The following TRIM16 variants were observed in gnomAD, a reference collection of about 807,000 sequenced individuals.
TRIM16 encodes the protein tripartite motif containing 16, also known as tripartite motif-containing protein 16.
In TRIM16, 33 loss-of-function variants were observed where a neutral mutation model predicts 50.4. The ratio of observed to expected loss-of-function variants is 0.65; its 90% CI spans 0.50 to 0.88. The LOEUF (loss-of-function observed/expected upper bound fraction) is 0.88. Among genes scored for constraint, TRIM16 ranks in the 40% least tolerant of loss-of-function variants. TRIM16 has a pLI of 0.00. For missense variants in TRIM16, 581 were observed against 686.8 expected (o/e 0.85, Z 1.72); for synonymous variants, 229 against 270.7 (o/e 0.85, Z 1.51).
At chr17:15,682,724 A>T in intron 3 of TRIM16, 130 bp downstream of exon 3, 1 of 880,824 alleles carries the variant, frequency 1.1e-6, no homozygotes, top group Non-Finnish European at 1.5e-6. Flanking sequence ...AGTCCGACTT[A>T]TCCCCCCTTA....
chr17:15,632,365 A>G (rs1225806343), intron 10 of TRIM16, 144 bp downstream of exon 10: 1 of 1,282,266 alleles, frequency 7.8e-7, no homozygotes, highest in African/African-American at 1.5e-5. Context: ...TGACAGAGCA[A>G]GACTGTCTCA....
intron 3 of TRIM16, among the ~76,000 whole-genome samples, chr17:15,682,506 C>T (rs555547386): frequency 3.3e-5 from 5 of 152,342 alleles, no homozygotes; most frequent in South Asian, 4.1e-4. Flanking sequence ...TAAGACAAAG[C>T]GCTTTTTAAG....
intron 11 of TRIM16, among the ~76,000 whole-genome samples, chr17:15,629,481 G>GCATT (rs1388262612): frequency 2.6e-5 from 4 of 152,216 alleles, no homozygotes; most frequent in Non-Finnish European, 5.9e-5. Flanking sequence ...ACTCATTCAT[G>GCATT]CATTCATTCA....
chr17:15,642,075 C>A lies in TRIM16; in HGVS notation c.615+646G>T, dbSNP rs1339807218. Among the ~76,000 whole-genome samples the A allele has an allele frequency of 4.0e-5, 6 of 148,788 alleles. No homozygotes were observed. In the East Asian group the frequency reaches 1.2e-3, roughly 30 times the overall value. On this transcript the variant is annotated intron_variant, in intron 8 of 11. Transcript: ENST00000649191. ...GCCAGACTGGTCTCGAACTCCTGAC[C>A]TCAAGTGATCCACCCACTTCAGCCT...
chr17:15,661,202 A>T (rs748720272), intron 6 of TRIM16, among the ~76,000 whole-genome samples: 1 of 152,208 alleles, frequency 6.6e-6, no homozygotes, highest in Non-Finnish European at 1.5e-5. Context: ...CTGCTCCAAT[A>T]AACTTACAAC....
chr17:15,633,254 G>C (rs1986523210), intron 9 of TRIM16, among the ~76,000 whole-genome samples: 1 of 151,358 alleles, frequency 6.6e-6, no homozygotes, highest in Admixed American at 6.6e-5. Flanking sequence ...AACTTCAGCT[G>C]CAACTGAAGC....
chr17:15,658,519 TAAA>T (rs1333111604), intron 6 of TRIM16, among the ~76,000 whole-genome samples: 2 of 151,992 alleles, frequency 1.3e-5, no homozygotes, highest in Non-Finnish European at 2.9e-5. Flanking sequence ...CTGAGAAAAA[TAAA>T]AATAATATCA....
intron 7 of TRIM16, among the ~76,000 whole-genome samples, chr17:15,645,484 G>A (rs1174655754): frequency 1.3e-5 from 2 of 151,958 alleles, no homozygotes; most frequent in Non-Finnish European, 2.9e-5. Context: ...CTGCCAAGAG[G>A]TGTGCCAAGG....
chr17:15,675,766 T>TATGTGTATATACACATACGTATATATAC (rs1431537223), intron 6 of TRIM16: 7 of 158,996 alleles, frequency 4.4e-5, no homozygotes, highest in Non-Finnish European at 7.2e-5. Context: ...TATACATACG[T>TATGTGTATATACACATACGTATATATAC]ATGTGTATAT....
In TRIM16 at chr17:15,628,608, C is replaced by T; in HGVS notation, c.*7G>A. 1 of 1,590,868 alleles carries T rather than the reference C, an allele frequency of 6.3e-7. No individual in the cohort carries two copies. The highest frequency in any genetic ancestry group is 8.6e-7 in the Non-Finnish European group (1 of 1,166,528). Reference sequence around the variant, plus strand: ...CTGGCAAAGGTCTGGGATATGGCTCCTGGAGTCTAGGGAGCAGTCCCCACC... The same window carrying T: ...CTGGCAAAGGTCTGGGATATGGCTCTTGGAGTCTAGGGAGCAGTCCCCACC... On this transcript the variant is annotated 3_prime_UTR_variant, in exon 12 of 12. Coordinates refer to ENST00000649191, the MANE Select transcript of TRIM16 (RefSeq NM_001348119.1).
In TRIM16 at chr17:15,629,668, C is replaced by T. The variant is rs1283835454; in HGVS notation, c.1112-470G>A. ...AAATGGAGCATGAAGAACTCTCAAACACGCCCTCATATTCTCCTCCCACTC... is the reference window on the plus strand; with the variant it reads ...AAATGGAGCATGAAGAACTCTCAAATACGCCCTCATATTCTCCTCCCACTC... On this transcript the variant is annotated intron_variant, in intron 11 of 11. Transcript: ENST00000649191. Among the ~76,000 whole-genome samples, 4 of 152,254 alleles carry T rather than the reference C, an allele frequency of 2.6e-5. No homozygotes were observed. In the East Asian group the frequency reaches 7.7e-4, roughly 29 times the overall value.
Position 15,645,304 on chromosome 17 carries a change from G to A in TRIM16, c.520-2488C>T, listed in dbSNP as rs558016978. Among the ~76,000 whole-genome samples the A allele has an allele frequency of 7.2e-5, 11 of 152,206 alleles. No homozygotes were observed. The South Asian group carries it at 1.2e-3, about 17-fold the overall frequency. On this transcript the variant is annotated intron_variant, in intron 7 of 11. Transcript: ENST00000649191. ...ATAAATGTCAGTGGGTGCCAGCATC[G>A]TCATCATCATCATTATTACTCCTGC...
At position 15,684,227 on chromosome 17, in the gene TRIM16, A is replaced by G. The variant is rs570039883; in HGVS notation, c.-930T>C. ...CAGCGTCTGCTCCTCCCCGGTCCAG[A>G]CACAGAGAGGGTGTCTGCTCTGGGG... On this transcript the variant is annotated 5_prime_UTR_variant, in exon 1 of 12. Coordinates refer to ENST00000649191, the MANE Select transcript of TRIM16 (RefSeq NM_001348119.1). 1 of 152,294 alleles carries G rather than the reference A, an allele frequency of 6.6e-6. No homozygotes were observed. Among genetic ancestry groups the G allele is most frequent in the Admixed American group, 6.5e-5 (1 of 15,292 alleles). The allele number at this position is 152,294 out of a possible 1,614,324, so 9.4% of individuals were successfully genotyped here.
chr17:15,677,848 C>A, intron 4 of TRIM16, 127 bp from the exon 5 acceptor site: 1 of 803,434 alleles, frequency 1.2e-6, no homozygotes, highest in Non-Finnish European at 1.5e-6. Context: ...ATCTTAAAAT[C>A]TTAAAATGTG....
intron 3 of TRIM16, among the ~76,000 whole-genome samples, chr17:15,681,397 T>C (rs1215621039): frequency 6.6e-6 from 1 of 152,194 alleles, no homozygotes; most frequent in East Asian, 1.9e-4. Context: ...ACAGACACCT[T>C]TAGCCACCCC....
intron 6 of TRIM16, among the ~76,000 whole-genome samples, chr17:15,676,678 G>A (rs9910763): frequency 0.019 from 2,832 of 151,762 alleles, 96 homozygotes; most frequent in African/African-American, 0.065. Flanking sequence ...CTCGTGATCC[G>A]CCCGCCTCGG....
intron 1 of TRIM16, chr17:15,683,372 C>T (rs1451169952): frequency 4.5e-6 from 2 of 447,986 alleles, no homozygotes; most frequent in African/African-American, 4.0e-5. Context: ...GAGTCAGACA[C>T]TGGGAACATA....
At chr17:15,661,809 T>C (rs557004760) in intron 6 of TRIM16, among the ~76,000 whole-genome samples, 1 of 152,230 alleles carries the variant, frequency 6.6e-6, no homozygotes, top group East Asian at 1.9e-4. Context: ...CTGGCCTATT[T>C]AGACCCACTT....
intron 6 of TRIM16, among the ~76,000 whole-genome samples, chr17:15,656,995 G>A (rs2150924118): frequency 6.6e-6 from 1 of 152,008 alleles, no homozygotes; most frequent in East Asian, 1.9e-4. Context: ...CAAACTCCTG[G>A]GCTCATGCAA....
Sources: gnomAD v4.1 joint callset for allele counts (sites outside exome capture counted in the v4.1 genomes callset) on GRCh38, gnomAD v4.1.1 for gene constraint, MANE v1.5 for transcripts, NCBI Gene and HGNC (gene_info 2026-07-23, HGNC 2026-07-21) for gene names.